The following SEZ6L variants were observed in gnomAD, a reference collection of about 807,000 sequenced individuals.
SEZ6L encodes seizure 6-like protein.
A neutral mutation model predicts 106.2 loss-of-function variants in SEZ6L; 37 were observed. The observed-to-expected ratio is 0.35, with a 90% confidence interval of 0.27 to 0.46. The LOEUF (loss-of-function observed/expected upper bound fraction) is 0.46. Among genes scored for constraint, SEZ6L ranks in the 20% least tolerant of loss-of-function variants. The pLI, the probability that SEZ6L is intolerant of heterozygous loss-of-function variation, is 1.00. For missense variants in SEZ6L, 1,172 were observed against 1,332.8 expected, an observed-to-expected ratio of 0.88 and a Z score of 1.88; for synonymous variants, 541 against 570.4, an observed-to-expected ratio of 0.95 and a Z score of 0.73.
chr22:26,335,933 T>G (rs2082630773), intron 9 of SEZ6L, among the ~76,000 whole-genome samples: 1 of 152,138 alleles, frequency 6.6e-6, no homozygotes, highest in African/African-American at 2.4e-5. Context: ...CGACCCTCCC[T>G]CCTATGATGC....
At chr22:26,194,838 G>A (rs1461413980) in intron 1 of SEZ6L, among the ~76,000 whole-genome samples, 1 of 152,188 alleles carries the variant, frequency 6.6e-6, no homozygotes, top group Non-Finnish European at 1.5e-5. Flanking sequence ...AGATACAAAA[G>A]CATGTAAAGA....
At chr22:26,337,818 G>A (rs569235967) in intron 9 of SEZ6L, among the ~76,000 whole-genome samples, 4 of 152,220 alleles carry the variant, frequency 2.6e-5, no homozygotes, top group South Asian at 4.1e-4. Context: ...AAATTATGGC[G>A]GCAATCAAAA....
In SEZ6L at chr22:26,313,149, C is replaced by T. The variant is rs117183135; in HGVS notation, c.1877-615C>T. On this transcript the variant is annotated intron_variant, in intron 8 of 16. Transcript: ENST00000248933. ...GGCACCTGCCGCAGCCACATCTCTG[C>T]TTCCAGTTCAGGGCCGGGACCTGTC... Among the ~76,000 whole-genome samples, 383 of 152,366 alleles carry T rather than the reference C, an allele frequency of 2.5e-3. 9 individuals are homozygous for T. In the East Asian group the frequency reaches 0.059, roughly 24 times the overall value.
At chr22:26,227,100 C>T (rs1168207156) in intron 1 of SEZ6L, among the ~76,000 whole-genome samples, 1 of 152,094 alleles carries the variant, frequency 6.6e-6, no homozygotes, top group Non-Finnish European at 1.5e-5. Flanking sequence ...TATTTTTGTT[C>T]CCCACGCATC....
At chr22:26,338,404 G>C (rs1313907977) in intron 9 of SEZ6L, among the ~76,000 whole-genome samples, 3 of 152,032 alleles carry the variant, frequency 2.0e-5, no homozygotes, top group Non-Finnish European at 2.9e-5. Flanking sequence ...CTTTTGTTTT[G>C]TTTTGTTTTG....
intron 5 of SEZ6L, 72 bp from the exon 6 acceptor site, chr22:26,305,907 T>TCTCTCTGTCTCTCTCCTCTCTCTCTCC: frequency 7.1e-7 from 1 of 1,415,940 alleles, no homozygotes; most frequent in South Asian, 1.2e-5. Flanking sequence ...TCTCTCTCTT[T>TCTCTCTGTCTCTCTCCTCTCTCTCTCC]CTCTCTGTCT....
At chr22:26,211,700 T>G (rs1202443172) in intron 1 of SEZ6L, among the ~76,000 whole-genome samples, 2 of 147,614 alleles carry the variant, frequency 1.4e-5, no homozygotes, top group Non-Finnish European at 3.0e-5. Flanking sequence ...CCAGGTGTGG[T>G]GGCTCACACC....
At chr22:26,293,917 T>C (rs1279528003) in intron 2 of SEZ6L, among the ~76,000 whole-genome samples, 1 of 152,180 alleles carries the variant, frequency 6.6e-6, no homozygotes, top group African/African-American at 2.4e-5. Context: ...ACAAGTGCAA[T>C]GTGGCCACCC....
intron 10 of SEZ6L, among the ~76,000 whole-genome samples, chr22:26,343,093 C>G (rs902763845): frequency 6.6e-6 from 1 of 152,100 alleles, no homozygotes; most frequent in Non-Finnish European, 1.5e-5. Context: ...GTGGGTTCCC[C>G]GCTCTTTTCT....
At chr22:26,356,984 C>G (rs975299465) in intron 12 of SEZ6L, among the ~76,000 whole-genome samples, 4 of 149,426 alleles carry the variant, frequency 2.7e-5, no homozygotes. Flanking sequence ...CGGAGTCTGG[C>G]TCTGTTGCCC....
chr22:26,331,922 T>G (rs180979254), intron 9 of SEZ6L, among the ~76,000 whole-genome samples: 21 of 150,622 alleles, frequency 1.4e-4, no homozygotes, highest in African/African-American at 4.1e-4. Context: ...AGGGTGGAGG[T>G]TGCAACGAGC....
At chr22:26,184,562 G>A (rs567679439) in intron 1 of SEZ6L, among the ~76,000 whole-genome samples, 20 of 152,274 alleles carry the variant, frequency 1.3e-4, no homozygotes, top group African/African-American at 4.8e-4. Flanking sequence ...TGTAGGTGCT[G>A]GAACAAAAAC....
At chr22:26,220,921 A>ATGGG (rs1569393422) in intron 1 of SEZ6L, among the ~76,000 whole-genome samples, 1 of 150,138 alleles carries the variant, frequency 6.7e-6, no homozygotes, top group African/African-American at 2.5e-5. Flanking sequence ...GGATGGATGG[A>ATGGG]TGGATGGGTG....
chr22:26,199,648 C>T (rs1319059790), intron 1 of SEZ6L, among the ~76,000 whole-genome samples: 1 of 152,182 alleles, frequency 6.6e-6, no homozygotes, highest in African/African-American at 2.4e-5. Flanking sequence ...AAGAGAAGTA[C>T]ATCCAGGACT....
intron 1 of SEZ6L, among the ~76,000 whole-genome samples, chr22:26,233,564 G>A (rs1029806020): frequency 2.6e-5 from 4 of 152,184 alleles, no homozygotes; most frequent in East Asian, 1.9e-4. Flanking sequence ...TCGAGCATGC[G>A]GACCAAGGTC....
At chr22:26,338,599 G>A (rs991062117) in intron 9 of SEZ6L, among the ~76,000 whole-genome samples, 1 of 151,622 alleles carries the variant, frequency 6.6e-6, no homozygotes, top group Non-Finnish European at 1.5e-5. Context: ...TCGCTTCTTT[G>A]CCCAGGCTGG....
intron 1 of SEZ6L, among the ~76,000 whole-genome samples, chr22:26,240,806 T>A (rs557779539): frequency 1.3e-5 from 2 of 152,012 alleles, no homozygotes; most frequent in East Asian, 1.9e-4. Flanking sequence ...CAAACAAAAA[T>A]ATGTGAGTTA....
intron 1 of SEZ6L, among the ~76,000 whole-genome samples, chr22:26,285,305 C>T (rs1317760324): frequency 6.6e-6 from 1 of 152,184 alleles, no homozygotes; most frequent in Non-Finnish European, 1.5e-5. Flanking sequence ...GTGCCCGAGA[C>T]GGAAACTCGG....
At chr22:26,214,485 G>A (rs2078245200) in intron 1 of SEZ6L, among the ~76,000 whole-genome samples, 1 of 152,204 alleles carries the variant, frequency 6.6e-6, no homozygotes, top group African/African-American at 2.4e-5. Context: ...TTCCCTGATG[G>A]GGAAGAAGAG....
Sources: allele counts gnomAD v4.1 joint callset (sites outside exome capture counted in the v4.1 genomes callset), GRCh38; gene constraint gnomAD v4.1.1; transcripts MANE v1.5; gene names NCBI Gene and HGNC (gene_info 2026-07-23, HGNC 2026-07-21).